Variants in AGBL4 observed in about 807,000 individuals in gnomAD.
AGBL4 encodes the protein AGBL carboxypeptidase 4.
Under a neutral mutation model 66.4 loss-of-function variants are expected in AGBL4, and 58 were observed. The ratio of observed to expected loss-of-function variants is 0.87; its 90% CI spans 0.71 to 1.09. AGBL4 has a LOEUF of 1.09. AGBL4 is among the 50% of genes least tolerant of loss of function. AGBL4 has a pLI of 0.00. For missense variants in AGBL4, 579 were observed against 631.0 expected (o/e 0.92, Z 0.88); for synonymous variants, 234 against 222.9 (o/e 1.05, Z -0.44).
At chr1:49,735,288 GGTGTGTGGGTGT>G (rs1256881292) in intron 2 of AGBL4, among the ~76,000 whole-genome samples, 68 of 115,146 alleles carry the variant, frequency 5.9e-4, no homozygotes, top group Middle Eastern at 3.9e-3. Flanking sequence ...AAGAGGTAGA[GGTGTGTGGGTGT>G]GTGTGTGTGT....
At chr1:48,817,914 T>C (rs990370471) in intron 6 of AGBL4, 12 of 621,262 alleles carry the variant, frequency 1.9e-5, no homozygotes, top group Non-Finnish European at 3.5e-5. Flanking sequence ...TTTGGGTGAA[T>C]GGTGGAGGCT....
intron 1 of AGBL4, among the ~76,000 whole-genome samples, chr1:49,895,426 G>A (rs889228420): frequency 1.3e-5 from 2 of 151,942 alleles, no homozygotes; most frequent in African/African-American, 4.8e-5. Context: ...AAATGTGTAA[G>A]TTACTCTTTT....
At chr1:49,829,026 G>A (rs1411744449) in intron 2 of AGBL4, among the ~76,000 whole-genome samples, 1 of 150,830 alleles carries the variant, frequency 6.6e-6, no homozygotes, top group Non-Finnish European at 1.5e-5. Context: ...CCAAGATAGC[G>A]CCACTGCAGT....
chr1:49,651,215 A>G (rs954379046), intron 3 of AGBL4, among the ~76,000 whole-genome samples: 1 of 152,168 alleles, frequency 6.6e-6, no homozygotes, highest in Admixed American at 6.5e-5. Flanking sequence ...CAAGGGCATG[A>G]TAGGGAAAAG....
intron 3 of AGBL4, among the ~76,000 whole-genome samples, chr1:49,350,239 T>C (rs1486701846): frequency 3.5e-4 from 52 of 150,110 alleles, no homozygotes; most frequent in African/African-American, 1.2e-3. Flanking sequence ...AGTCTCGCTC[T>C]GTCGCCCAGG....
chr1:49,786,968 T>C (rs1020072425), intron 2 of AGBL4, among the ~76,000 whole-genome samples: 2 of 152,190 alleles, frequency 1.3e-5, no homozygotes, highest in Non-Finnish European at 2.9e-5. Context: ...TTTCTCATTT[T>C]CCTTTATGCC....
chr1:49,244,375 G>T (rs1651468311), intron 4 of AGBL4, among the ~76,000 whole-genome samples: 1 of 151,670 alleles, frequency 6.6e-6, no homozygotes, highest in African/African-American at 2.4e-5. Flanking sequence ...CCTACCCCTT[G>T]CCCAGAAAGA....
At chr1:49,859,039 G>A (rs949204618) in intron 1 of AGBL4, among the ~76,000 whole-genome samples, 13 of 151,884 alleles carry the variant, frequency 8.6e-5, no homozygotes, top group African/African-American at 2.9e-4. Flanking sequence ...GAAAATGCAC[G>A]AAAGAAACTA....
At chr1:48,917,879 A>G (rs1653731953) in intron 5 of AGBL4, among the ~76,000 whole-genome samples, 1 of 152,204 alleles carries the variant, frequency 6.6e-6, no homozygotes, top group African/African-American at 2.4e-5. Flanking sequence ...CCAGGGGATG[A>G]TTAAAAGGAT....
At chr1:49,069,075 GTTGT>G (rs1241414030) in intron 4 of AGBL4, among the ~76,000 whole-genome samples, 3 of 152,120 alleles carry the variant, frequency 2.0e-5, no homozygotes, top group East Asian at 1.9e-4. Flanking sequence ...TCTTGATGGG[GTTGT>G]TTGTTTTTTT....
intron 4 of AGBL4, among the ~76,000 whole-genome samples, chr1:49,235,605 A>C (rs184206214): frequency 1.3e-4 from 20 of 152,310 alleles, no homozygotes; most frequent in Admixed American, 8.5e-4. Flanking sequence ...TATGAATAAT[A>C]ATCTCTATTT....
chr1:49,834,692 T>G (rs569256366), intron 2 of AGBL4, among the ~76,000 whole-genome samples: 3 of 152,204 alleles, frequency 2.0e-5, no homozygotes, highest in Non-Finnish European at 2.9e-5. Context: ...CTTTCCCACT[T>G]TCTTCTGTGG....
At chr1:49,272,452 A>C (rs1644081146) in intron 3 of AGBL4, among the ~76,000 whole-genome samples, 1 of 152,148 alleles carries the variant, frequency 6.6e-6, no homozygotes, top group Non-Finnish European at 1.5e-5. Context: ...TTCTTATAAA[A>C]TCCAGTGGTA....
At chr1:48,684,452 G>A (rs1646499999) in intron 6 of AGBL4, among the ~76,000 whole-genome samples, 1 of 152,192 alleles carries the variant, frequency 6.6e-6, no homozygotes, top group Non-Finnish European at 1.5e-5. Flanking sequence ...TGACACCAGG[G>A]CTAACCTTTG....
At chr1:49,941,327 T>C (rs1455269653) in intron 1 of AGBL4, among the ~76,000 whole-genome samples, 1 of 152,174 alleles carries the variant, frequency 6.6e-6, no homozygotes. Flanking sequence ...AAACTCATTT[T>C]ACAAACCTAT....
intron 2 of AGBL4, among the ~76,000 whole-genome samples, chr1:49,713,922 C>T (rs1056156669): frequency 3.0e-4 from 45 of 151,954 alleles, no homozygotes; most frequent in African/African-American, 1.0e-3. Context: ...TGCCACTGTG[C>T]CTGGCTTTAC....
chr1:49,948,394 T>C (rs1557609507), intron 1 of AGBL4, among the ~76,000 whole-genome samples: 1 of 116,182 alleles, frequency 8.6e-6, no homozygotes, highest in African/African-American at 3.5e-5. Flanking sequence ...TATATAAATA[T>C]ATAAATATAT....
At chr1:49,566,022 A>C (rs1189376852) in intron 3 of AGBL4, among the ~76,000 whole-genome samples, 1 of 151,328 alleles carries the variant, frequency 6.6e-6, no homozygotes, top group African/African-American at 2.4e-5. Context: ...TTCTCTCTAA[A>C]CTTCTCTTCA....
Position 49,577,320 on chromosome 1 carries a change from T to C in AGBL4, c.282+119993A>G, listed in dbSNP as rs924527651. Among the ~76,000 whole-genome samples, 5 of 152,292 alleles carry C rather than the reference T, an allele frequency of 3.3e-5. No individual in the cohort carries two copies. The South Asian group carries it at 8.3e-4, about 25-fold the overall frequency. ...AATGGGCCCATGAATAAAGTGGCCA[T>C]GGTGGCAAGGATGGAGGTTACACAT... is the stretch of plus-strand genomic sequence containing the variant. On this transcript the variant is annotated intron_variant, in intron 3 of 13. Transcript: ENST00000371839.
Sources: allele counts gnomAD v4.1 joint callset (sites outside exome capture counted in the v4.1 genomes callset), GRCh38; gene constraint gnomAD v4.1.1; transcripts MANE v1.5; gene names NCBI Gene and HGNC (gene_info 2026-07-23, HGNC 2026-07-21).